Variants in CPEB3 observed in about 807,000 individuals in gnomAD.
The protein encoded by CPEB3 is cytoplasmic polyadenylation element binding protein 3, also known as cytoplasmic polyadenylation element-binding protein 3.
A neutral mutation model predicts 67.2 loss-of-function variants in CPEB3; 20 were observed. The ratio of observed to expected loss-of-function variants is 0.30; its 90% confidence interval spans 0.21 to 0.43. The LOEUF (loss-of-function observed/expected upper bound fraction) is 0.43, where lower values mean the gene tolerates loss of function less well. Among genes scored for constraint, CPEB3 ranks in the 20% least tolerant of loss-of-function variants. CPEB3 has a pLI of 1.00. For missense variants in CPEB3, 746 were observed against 968.6 expected, an observed-to-expected ratio of 0.77 and a Z score of 3.05; for synonymous variants, 376 against 393.1, an observed-to-expected ratio of 0.96 and a Z score of 0.51.
chr10:92,240,289 C>G lies in CPEB3; in HGVS notation c.62G>C (p.Arg21Pro), dbSNP rs552534752. ...CTCAGGTTGGGGCTGCTGCTGCTGC[C>G]GCTGCTGCTGCTGGGGCTGGGGCTG... ...KTQPQPQQQQ[R>P]QQQQPQPESS... Residue 21 changes from arginine (R) to proline (P), a missense_variant, in exon 2 of 10, where the codon CGG (arginine) becomes CCG (proline). Physicochemically the swap from Arg to Pro is moderately radical, Grantham distance 103. Around this residue, in one of 2 missense-constraint regions of CPEB3, gnomAD observed 643 missense variants for 717.5 expected, o/e 0.90. Coordinates refer to ENST00000265997, the MANE Select transcript of CPEB3 (RefSeq NM_014912.5). 2.2e-5 allele frequency: 33 copies of G among 1,515,006 alleles called. No homozygotes were observed. In the African/African-American group the frequency reaches 4.5e-4, roughly 21 times the overall value. The allele number at this position is 1,515,006 out of a possible 1,614,324, so 93.8% of individuals were successfully genotyped here. A position where few individuals can be genotyped will look rare whatever the true frequency, so the allele number is the denominator to read the frequency against.
intron 6 of CPEB3, among the ~76,000 whole-genome samples, chr10:92,115,991 G>A (rs11186832): frequency 0.35 from 51,322 of 144,726 alleles, 7,742 homozygotes; most frequent in African/African-American, 0.5. Context: ...TTCCACAACA[G>A]TATCAGTTTT....
intron 1 of CPEB3, among the ~76,000 whole-genome samples, chr10:92,244,580 G>A (rs1412685147): frequency 6.6e-6 from 1 of 151,524 alleles, no homozygotes; most frequent in Non-Finnish European, 1.5e-5. Flanking sequence ...TGGGACTACA[G>A]GGGCATGCCA....
chr10:92,058,652 T>C (rs1170337151), intron 9 of CPEB3, among the ~76,000 whole-genome samples: 6 of 151,374 alleles, frequency 4.0e-5, no homozygotes, highest in Non-Finnish European at 5.9e-5. Context: ...CACCCAGATA[T>C]AGAAGGCAAA....
chr10:92,263,850 T>C (rs1032699718), intron 1 of CPEB3, among the ~76,000 whole-genome samples: 5 of 152,166 alleles, frequency 3.3e-5, no homozygotes, highest in South Asian at 2.1e-4. Flanking sequence ...TTTTAAAAAT[T>C]TGTGTATTGA....
At chr10:92,135,489 A>G (rs1028775696) in intron 6 of CPEB3, among the ~76,000 whole-genome samples, 6 of 152,246 alleles carry the variant, frequency 3.9e-5, no homozygotes, top group Admixed American at 6.5e-5. Context: ...TAGAATGGCA[A>G]TCATTAAAAT....
At chr10:92,069,641 A>C (rs1590069010) in intron 9 of CPEB3, among the ~76,000 whole-genome samples, 1 of 152,110 alleles carries the variant, frequency 6.6e-6, no homozygotes, top group African/African-American at 2.4e-5. Flanking sequence ...CTGACCTCAA[A>C]TGATCCACCC....
At chr10:92,154,652 G>C (rs893974041) in intron 4 of CPEB3, among the ~76,000 whole-genome samples, 2 of 152,142 alleles carry the variant, frequency 1.3e-5, no homozygotes, top group African/African-American at 4.8e-5. Context: ...TCTCCAGCTG[G>C]TCCCACAGCA....
chr10:92,059,325 C>CAAAAA (rs61034093), intron 9 of CPEB3, among the ~76,000 whole-genome samples: 4 of 101,228 alleles, frequency 4.0e-5, no homozygotes, highest in Admixed American at 1.1e-4. Flanking sequence ...GAAACTCTGT[C>CAAAAA]AAAAAAAAAA....
chr10:92,184,342 C>T lies in CPEB3; in HGVS notation c.1166-3323G>A, dbSNP rs1176372194. Among the ~76,000 whole-genome samples the T allele has an allele frequency of 3.9e-5, 6 of 152,170 alleles. No individual in the cohort carries two copies. In the South Asian group the frequency reaches 6.2e-4, roughly 16 times the overall value. ...ACTCCAGGCTGGGCACCGTGGCTCA[C>T]GCCTGTAATCCCAACACTTTGGGAG... On this transcript the variant is annotated intron_variant, in intron 3 of 9. Transcript: ENST00000265997.
chr10:92,289,516 T>C (rs1842699446), intron 1 of CPEB3, among the ~76,000 whole-genome samples: 2 of 151,854 alleles, frequency 1.3e-5, no homozygotes, highest in African/African-American at 4.8e-5. Context: ...CACTCCAGCC[T>C]GGGCAACAGA....
chr10:92,094,808 GACAC>G (rs10654734), intron 7 of CPEB3, among the ~76,000 whole-genome samples: 6,411 of 145,714 alleles, frequency 0.044, 188 homozygotes, highest in Non-Finnish European at 0.061. Flanking sequence ...AGATTCTAAT[GACAC>G]ACACACACAC....
At position 92,239,276 on chromosome 10, in the gene CPEB3, T is replaced by C; in HGVS notation, c.1005+70A>G. On this transcript the variant is annotated intron_variant, in intron 2 of 9. Transcript: ENST00000265997. The surrounding 1 kb of genome is among the most constrained non-coding windows in gnomAD (Gnocchi z 6.0). Reference sequence around the variant, plus strand: ...TTTTTAAATATAAGCGGGTGGATGATTAAAAGTCAGAGAAGTGGCAAAAGG... The same window carrying C: ...TTTTTAAATATAAGCGGGTGGATGACTAAAAGTCAGAGAAGTGGCAAAAGG... 1 of 1,514,492 alleles carries C rather than the reference T, an allele frequency of 6.6e-7. No individual in the cohort carries two copies. 93.8% of individuals were successfully genotyped at this position (1,514,492 alleles called of 1,614,324 possible).
intron 3 of CPEB3, among the ~76,000 whole-genome samples, chr10:92,184,899 G>A (rs948533892): frequency 2.0e-5 from 3 of 152,134 alleles, no homozygotes; most frequent in Admixed American, 6.5e-5. Flanking sequence ...GTTAGGGAGT[G>A]TATATGTGTA....
At chr10:92,121,972 T>C (rs563334898) in intron 6 of CPEB3, among the ~76,000 whole-genome samples, 1 of 152,314 alleles carries the variant, frequency 6.6e-6, no homozygotes, top group Admixed American at 6.5e-5. Flanking sequence ...AGAGGACTTA[T>C]CTGGTTTGCC....
chr10:92,170,072 G>A (rs1022586370), intron 4 of CPEB3, among the ~76,000 whole-genome samples: 1 of 152,086 alleles, frequency 6.6e-6, no homozygotes, highest in African/African-American at 2.4e-5. Context: ...CACCTATTCA[G>A]AGAGAATAAA....
intron 2 of CPEB3, among the ~76,000 whole-genome samples, chr10:92,220,940 C>A (rs1850670795): frequency 6.6e-6 from 1 of 152,152 alleles, no homozygotes; most frequent in Non-Finnish European, 1.5e-5. Context: ...GACCCAGGAA[C>A]TAGGCCTCTC....
chr10:92,249,046 G>C (rs1000396592), intron 1 of CPEB3, among the ~76,000 whole-genome samples: 1 of 151,916 alleles, frequency 6.6e-6, no homozygotes, highest in African/African-American at 2.4e-5. Flanking sequence ...TTGTGATACT[G>C]GTGTAAACAA....
At position 92,286,097 on chromosome 10, in the gene CPEB3, G is replaced by A. The variant is rs1039741737; in HGVS notation, c.-12+4829C>T. Among the ~76,000 whole-genome samples the A allele has an allele frequency of 2.0e-4, 31 of 151,702 alleles. No individual in the cohort carries two copies. The South Asian group carries it at 2.3e-3, about 11-fold the overall frequency. ...ACTACAGGCGCCCGCCACCATGCCC[G>A]GCTAATTTTTTGTATTTTTAGTAGA... is the stretch of plus-strand genomic sequence containing the variant. On this transcript the variant is annotated intron_variant, in intron 1 of 9. Transcript: ENST00000265997.
intron 7 of CPEB3, among the ~76,000 whole-genome samples, chr10:92,109,109 T>C (rs1844607543): frequency 6.6e-6 from 1 of 152,124 alleles, no homozygotes. Context: ...TGTAGAAAAA[T>C]TTATTTCTAA....
Sources: gnomAD v4.1 joint callset for allele counts (sites outside exome capture counted in the v4.1 genomes callset) on GRCh38, gnomAD v4.1.1 for gene constraint, gnomAD v4.1.1 regional missense constraint, Gnocchi (gnomAD v3.1) non-coding constraint, MANE v1.5 for transcripts, NCBI Gene and HGNC (gene_info 2026-07-23, HGNC 2026-07-21) for gene names.